MB: variants seen among roughly 807,000 people sequenced by gnomAD.
The protein encoded by MB is myoglobin.
A neutral mutation model predicts 14.5 loss-of-function variants in MB; 10 were observed. The ratio of observed to expected loss-of-function variants is 0.69; its 90% CI spans 0.43 to 1.17. The LOEUF is 1.17. Ranked by LOEUF, MB falls within the 50% of genes most tolerant of loss-of-function variation. MB has a pLI of 0.00. For synonymous variants in MB, 89 were observed against 78.6 expected (o/e 1.13, Z -0.70); for missense variants, 169 against 192.7 (o/e 0.88, Z 0.73).
At chr22:35,619,686 A>G (rs1448734447), upstream of MB, among the ~76,000 whole-genome samples, 1 of 152,240 alleles carries the variant, frequency 6.6e-6, no homozygotes, top group Non-Finnish European at 1.5e-5. Flanking sequence ...TGGACAAATA[A>G]TAGGAAATGT....
chr22:35,610,073 AC>A (rs1243366177), intron 2 of MB, among the ~76,000 whole-genome samples: 2 of 152,134 alleles, frequency 1.3e-5, no homozygotes, highest in African/African-American at 4.8e-5. Context: ...GGTAGCTATC[AC>A]CACATCCTAA....
At chr22:35,618,785 C>T (rs1232952684), upstream of MB, among the ~76,000 whole-genome samples, 1 of 151,424 alleles carries the variant, frequency 6.6e-6, no homozygotes, top group Non-Finnish European at 1.5e-5. Context: ...TCCCTCAATT[C>T]ATTCATCCAC....
Position 35,607,297 on chromosome 22 carries a change from C to G in MB, c.465G>C (p.Ter155TyrextTer44). The change falls in exon 3 of 3, where the codon TAG becomes TAC. Residue 155 changes from the stop codon to tyrosine (Y), a stop_lost. Transcript: ENST00000397326. ...SNYKELGFQG* is the reference protein window; with the variant it reads ...SNYKELGFQGY The stretch of plus-strand genomic sequence containing the variant: ...GGGTGGGGGTGGGAGCGGCAGGGGC[C>G]TAGCCCTGGAAGCCCAGCTCCTTGT... The G allele has an allele frequency of 6.2e-7, 1 of 1,612,044 alleles. No homozygotes were observed. Among genetic ancestry groups the G allele is most frequent in the Non-Finnish European group, 8.5e-7 (1 of 1,178,484 alleles).
At position 35,607,389 on chromosome 22, in the gene MB, C is replaced by G; in HGVS notation, c.373G>C (p.Gly125Arg). Reference protein sequence around the residue: ...VLQSKHPGDFGADAQGAMNKA... With the variant: ...VLQSKHPGDFRADAQGAMNKA... ...TTCATGGCCCCCTGGGCATCAGCACCAAAGTCCCCGGGATGCTTGCTCTGC... is the reference window on the plus strand; with the variant it reads ...TTCATGGCCCCCTGGGCATCAGCACGAAAGTCCCCGGGATGCTTGCTCTGC... Residue 125 changes from glycine (G) to arginine (R), a missense_variant, in exon 3 of 3, where the codon GGT becomes CGT. By Grantham distance (125) the Gly-to-Arg change is moderately radical. Coordinates refer to ENST00000397326, the MANE Select transcript of MB (RefSeq NM_005368.3). 6.2e-7 allele frequency: 1 copy of G among 1,614,124 alleles called. No individual in the cohort carries two copies. Among genetic ancestry groups the G allele is most frequent in the South Asian group, 1.1e-5 (1 of 91,068 alleles).
At position 35,607,401 on chromosome 22, in the gene MB, G is replaced by C. The variant is rs769102587; in HGVS notation, c.361C>G (p.Pro121Ala). 20 of 1,613,986 alleles carry C rather than the reference G, an allele frequency of 1.2e-5. No homozygotes were observed. The highest frequency in any genetic ancestry group is 8.3e-5 in the Admixed American group (5 of 60,000). The change falls in exon 3 of 3, where the codon CCC becomes GCC. Residue 121 changes from proline to alanine, a missense_variant. Transcript: ENST00000397326. ...TGGGCATCAGCACCAAAGTCCCCGG[G>C]ATGCTTGCTCTGCAGAACCTGGATG... ...CIIQVLQSKH[P>A]GDFGADAQGA...
intron 1 of MB, among the ~76,000 whole-genome samples, chr22:35,614,358 C>T (rs567240279): frequency 1.3e-5 from 2 of 152,040 alleles, no homozygotes; most frequent in South Asian, 2.1e-4. Context: ...GAGGCCAAGG[C>T]GGGCAGATCA....
intron 1 of MB, chr22:35,615,714 C>G (rs939585999): frequency 2.0e-5 from 3 of 152,136 alleles, no homozygotes; most frequent in Non-Finnish European, 4.4e-5. Context: ...GAAATAAGGC[C>G]CAGAGGTGGA....
intron 1 of MB, among the ~76,000 whole-genome samples, chr22:35,614,532 G>A (rs938311088): frequency 3.3e-5 from 5 of 150,272 alleles, no homozygotes; most frequent in African/African-American, 1.2e-4. Context: ...CAAGCTGCCT[G>A]AATTTGAATT....
intron 2 of MB, among the ~76,000 whole-genome samples, chr22:35,610,539 G>A (rs1199827236): frequency 2.0e-5 from 3 of 152,136 alleles, no homozygotes; most frequent in African/African-American, 4.8e-5. Flanking sequence ...CTTAACCTCT[G>A]TGAGCCTCAG....
At chr22:35,614,363 A>C (rs1922892596) in intron 1 of MB, among the ~76,000 whole-genome samples, 1 of 152,156 alleles carries the variant, frequency 6.6e-6, no homozygotes, top group South Asian at 2.1e-4. Context: ...CAAGGCGGGC[A>C]GATCACCTGA....
At chr22:35,611,595 C>T (rs1343287369) in intron 1 of MB, among the ~76,000 whole-genome samples, 3 of 152,188 alleles carry the variant, frequency 2.0e-5, no homozygotes. Context: ...CACTCCAGAG[C>T]AATCCTCACA....
Position 35,607,216 on chromosome 22 carries a change from C to T in MB, c.*81G>A. The T allele has an allele frequency of 6.8e-6, 10 of 1,468,230 alleles. No individual in the cohort carries two copies. Among genetic ancestry groups the T allele is most frequent in the Non-Finnish European group, 8.2e-6 (9 of 1,095,068 alleles). 91.0% of individuals were successfully genotyped at this position (1,468,230 alleles called of 1,614,324 possible). A position where few individuals can be genotyped will look rare whatever the true frequency, so the allele number is the denominator to read the frequency against. ...AACAAAGCAGACACTCAGAAGCAAA[C>T]TCTATATGGCTACACGAGATCAGAC... On this transcript the variant is annotated 3_prime_UTR_variant, in exon 3 of 3. Transcript: ENST00000397326.
intron 1 of MB, among the ~76,000 whole-genome samples, chr22:35,615,920 A>T (rs1044530145): frequency 6.6e-6 from 1 of 152,192 alleles, no homozygotes; most frequent in African/African-American, 2.4e-5. Flanking sequence ...TTCTTCCTCA[A>T]GTGTTTCTAG....
chr22:35,612,395 T>C (rs1076909), intron 1 of MB, among the ~76,000 whole-genome samples: 102,360 of 152,022 alleles, frequency 0.67, 36,083 homozygotes, highest in East Asian at 0.93. Flanking sequence ...GAGTTCATGG[T>C]TTTTTTGTTT....
At chr22:35,619,911 G>A (rs975472859), upstream of MB, among the ~76,000 whole-genome samples, 1 of 152,204 alleles carries the variant, frequency 6.6e-6, no homozygotes, top group Admixed American at 6.5e-5. Flanking sequence ...AGGGTCAGAG[G>A]CACCGGCTGC....
At chr22:35,612,672 C>CACCG (rs1922729502) in intron 1 of MB, among the ~76,000 whole-genome samples, 2 of 152,160 alleles carry the variant, frequency 1.3e-5, no homozygotes, top group Non-Finnish European at 2.9e-5. Context: ...GAAACAGAGG[C>CACCG]ACCGAAAGAC....
At chr22:35,620,108 G>C (rs1192426395), upstream of MB, among the ~76,000 whole-genome samples, 4 of 152,310 alleles carry the variant, frequency 2.6e-5, no homozygotes, top group South Asian at 8.3e-4. Flanking sequence ...GGCTGAGGTG[G>C]GTGGATCACA....
At chr22:35,619,024 C>T (rs1923295501), upstream of MB, among the ~76,000 whole-genome samples, 1 of 151,844 alleles carries the variant, frequency 6.6e-6, no homozygotes, top group African/African-American at 2.4e-5. Context: ...CATCCATCAT[C>T]CACCCATCCC....
chr22:35,622,986 G>A (rs1923566066), intron 1 of MB, among the ~76,000 whole-genome samples: 1 of 152,112 alleles, frequency 6.6e-6, no homozygotes, highest in Non-Finnish European at 1.5e-5. Flanking sequence ...TTGCTTTGGG[G>A]TGCACCTGTC....
Sources: gnomAD v4.1 joint callset for allele counts (sites outside exome capture counted in the v4.1 genomes callset) on GRCh38, gnomAD v4.1.1 for gene constraint, MANE v1.5 for transcripts, NCBI Gene and HGNC (gene_info 2026-07-23, HGNC 2026-07-21) for gene names.